GALNT13: variants seen among roughly 807,000 people sequenced by gnomAD.
The protein encoded by GALNT13 is polypeptide N-acetylgalactosaminyltransferase 13, also known as UDP-GalNAc:polypeptide N-acetylgalactosaminyltransferase 13.
In GALNT13, 28 loss-of-function variants were observed where a neutral mutation model predicts 64.2. The ratio of observed to expected loss-of-function variants is 0.44; its 90% confidence interval spans 0.32 to 0.60. The LOEUF is 0.60. Among genes scored for constraint, GALNT13 ranks in the 20% least tolerant of loss-of-function variants. The pLI is 0.05. For synonymous variants in GALNT13, 214 were observed against 224.6 expected (o/e 0.95, Z 0.42); for missense variants, 577 against 669.8 (o/e 0.86, Z 1.53).
At chr2:153,266,680 C>T in the GALNT13 span, among the ~76,000 whole-genome samples, 5 of 152,124 alleles carry the variant, frequency 3.3e-5, no homozygotes, top group Admixed American at 6.5e-5. Flanking sequence ...AAACTGCCCC[C>T]ATGATCCAAT....
At chr2:153,107,670 C>T in the GALNT13 span, among the ~76,000 whole-genome samples, 4 of 152,028 alleles carry the variant, frequency 2.6e-5, no homozygotes, top group African/African-American at 9.7e-5. Flanking sequence ...TGGAAGATGT[C>T]CTGACTATGT....
the GALNT13 span, among the ~76,000 whole-genome samples, chr2:153,156,851 T>C: frequency 6.6e-5 from 10 of 152,180 alleles, no homozygotes; most frequent in African/African-American, 2.4e-4. Flanking sequence ...CTGGTATTGA[T>C]AGAAAGTAAA....
At chr2:153,543,279 C>G in the GALNT13 span, among the ~76,000 whole-genome samples, 610 of 152,306 alleles carry the variant, frequency 4.0e-3, 6 homozygotes, top group African/African-American at 0.014. Flanking sequence ...CTCACAGAAG[C>G]TGAAGGAAGA....
the GALNT13 span, among the ~76,000 whole-genome samples, chr2:153,555,718 T>TC: frequency 6.6e-6 from 1 of 152,192 alleles, no homozygotes; most frequent in East Asian, 1.9e-4. Context: ...ATCCAGCCTG[T>TC]CTGGACCCAG....
chr2:153,632,192 TA>T, the GALNT13 span, among the ~76,000 whole-genome samples: 1 of 152,164 alleles, frequency 6.6e-6, no homozygotes, highest in Non-Finnish European at 1.5e-5. Flanking sequence ...TCCTGGTGAT[TA>T]AAACAAATTA....
chr2:153,572,642 T>A, the GALNT13 span, among the ~76,000 whole-genome samples: 1 of 152,002 alleles, frequency 6.6e-6, no homozygotes, highest in Non-Finnish European at 1.5e-5. Flanking sequence ...ATGTTGTGTG[T>A]CTATCATCAT....
chr2:154,074,194 G>C (rs1184238792), intron 3 of GALNT13, among the ~76,000 whole-genome samples: 4 of 151,738 alleles, frequency 2.6e-5, no homozygotes, highest in Non-Finnish European at 5.9e-5. Context: ...AAAAAATTTT[G>C]AGAGCTGCTA....
chr2:153,651,688 A>G, the GALNT13 span, among the ~76,000 whole-genome samples: 2 of 152,310 alleles, frequency 1.3e-5, no homozygotes, highest in South Asian at 2.1e-4. Context: ...CTAATAATGT[A>G]TTATTTTTCC....
chr2:153,766,675 A>G, the GALNT13 span, among the ~76,000 whole-genome samples: 1 of 151,972 alleles, frequency 6.6e-6, no homozygotes, highest in Non-Finnish European at 1.5e-5. Context: ...CATCCATTAT[A>G]TTCTTTATCT....
chr2:153,935,353 A>G (rs960934814), intron 2 of GALNT13, among the ~76,000 whole-genome samples: 1 of 152,204 alleles, frequency 6.6e-6, no homozygotes, highest in Non-Finnish European at 1.5e-5. Context: ...CCCATATACA[A>G]ACATATAGCC....
chr2:154,150,489 G>C (rs1369111671), intron 4 of GALNT13, among the ~76,000 whole-genome samples: 1 of 152,264 alleles, frequency 6.6e-6, no homozygotes, highest in Non-Finnish European at 1.5e-5. Context: ...GATTGGAATA[G>C]TTTCAGAAGG....
intron 4 of GALNT13, among the ~76,000 whole-genome samples, chr2:154,164,962 G>A (rs1684945070): frequency 6.6e-6 from 1 of 152,046 alleles, no homozygotes; most frequent in South Asian, 2.1e-4. Context: ...CTGAAAAACA[G>A]TCTTTACTGA....
At chr2:153,710,594 G>A in the GALNT13 span, among the ~76,000 whole-genome samples, 1 of 151,996 alleles carries the variant, frequency 6.6e-6, no homozygotes, top group Non-Finnish European at 1.5e-5. Context: ...TAAAGGAGAA[G>A]GAATGTATAT....
the GALNT13 span, among the ~76,000 whole-genome samples, chr2:153,306,278 G>A: frequency 6.6e-6 from 1 of 152,116 alleles, no homozygotes; most frequent in Non-Finnish European, 1.5e-5. Context: ...GCTGTCATGA[G>A]CAGCTGCATG....
chr2:153,179,335 C>T, the GALNT13 span, among the ~76,000 whole-genome samples: 1 of 152,162 alleles, frequency 6.6e-6, no homozygotes, highest in African/African-American at 2.4e-5. Context: ...AAATTCTTGG[C>T]ACCTTTATTG....
chr2:153,491,284 G>T, the GALNT13 span, among the ~76,000 whole-genome samples: 1 of 151,934 alleles, frequency 6.6e-6, no homozygotes, highest in African/African-American at 2.4e-5. Flanking sequence ...AAGAAAAAAT[G>T]TGAAGCTTCA....
At chr2:153,946,424 A>G (rs1691745975) in intron 3 of GALNT13, among the ~76,000 whole-genome samples, 1 of 152,010 alleles carries the variant, frequency 6.6e-6, no homozygotes, top group Admixed American at 6.6e-5. Flanking sequence ...TGTTGATAAG[A>G]CTTGTTATTT....
chr2:153,373,240 A>T, the GALNT13 span, among the ~76,000 whole-genome samples: 48 of 152,250 alleles, frequency 3.2e-4, 1 homozygote, highest in Middle Eastern at 6.8e-3. Context: ...ATTGGAACAG[A>T]AAAGAAAGTT....
At chr2:153,406,640 T>G in the GALNT13 span, among the ~76,000 whole-genome samples, 1 of 152,188 alleles carries the variant, frequency 6.6e-6, no homozygotes, top group African/African-American at 2.4e-5. Flanking sequence ...ACTCCTGGCC[T>G]CAAGTGTTCT....
Sources: allele counts gnomAD v4.1 joint callset (sites outside exome capture counted in the v4.1 genomes callset), GRCh38; gene constraint gnomAD v4.1.1; transcripts MANE v1.5; gene names NCBI Gene and HGNC (gene_info 2026-07-23, HGNC 2026-07-21).